GDI2: variants seen among roughly 807,000 people sequenced by gnomAD.
The protein encoded by GDI2 is GDP dissociation inhibitor 2, also known as rab GDP dissociation inhibitor beta.
A neutral mutation model predicts 54.2 loss-of-function variants in GDI2; 22 were observed. The ratio of observed to expected loss-of-function variants is 0.41; its 90% CI spans 0.29 to 0.58. The LOEUF (loss-of-function observed/expected upper bound fraction) is 0.58, where lower values mean the gene tolerates loss of function less well. Ranked by LOEUF, GDI2 falls within the 20% of genes least tolerant of loss-of-function variation. The pLI, the probability that GDI2 is intolerant of heterozygous loss-of-function variation, is 0.35. For synonymous variants in GDI2, 177 were observed against 182.1 expected, an observed-to-expected ratio of 0.97 and a Z score of 0.23; for missense variants, 422 against 546.0, an observed-to-expected ratio of 0.77 and a Z score of 2.26.
chr10:5,788,316 T>C (rs1840923241), intron 4 of GDI2, among the ~76,000 whole-genome samples: 1 of 152,080 alleles, frequency 6.6e-6, no homozygotes, highest in African/African-American at 2.4e-5. Flanking sequence ...GGTAGATAAT[T>C]TTTTACAACT....
chr10:5,790,040 C>G (rs1402067880), intron 4 of GDI2, among the ~76,000 whole-genome samples: 1 of 152,202 alleles, frequency 6.6e-6, no homozygotes, highest in Non-Finnish European at 1.5e-5. Context: ...TTTAGTGCAA[C>G]ACCATAAACA....
At chr10:5,806,036 C>G (rs561481798) in intron 1 of GDI2, among the ~76,000 whole-genome samples, 1 of 152,196 alleles carries the variant, frequency 6.6e-6, no homozygotes, top group Non-Finnish European at 1.5e-5. Flanking sequence ...CATGTGTCTT[C>G]TAAGTGTGCA....
chr10:5,785,180 T>G lies in GDI2; in HGVS notation c.681A>C (p.Pro227=), dbSNP rs779302984. 8.7e-6 allele frequency: 14 copies of G among 1,611,646 alleles called. No individual in the cohort carries two copies. Among genetic ancestry groups the G allele is most frequent in the Non-Finnish European group, 1.1e-5 (13 of 1,178,762 alleles). Reference sequence around the variant, plus strand: ...GGGGCAGTTCTCCAAGGCCATAGAGTGGATAAAGGTATGGGCTTTTGCCAT... The same window carrying G: ...GGGGCAGTTCTCCAAGGCCATAGAGGGGATAAAGGTATGGGCTTTTGCCAT... ...ARYGKSPYLY[P]LYGLGELPQG... is the part of the protein sequence containing the mutation. Residue 227 remains proline, a synonymous_variant, in exon 6 of 11, where the codon CCA becomes CCC. Transcript: ENST00000380191.
chr10:5,798,466 G>C (rs535092614), intron 2 of GDI2, among the ~76,000 whole-genome samples: 21 of 152,064 alleles, frequency 1.4e-4, no homozygotes, highest in African/African-American at 5.1e-4. Context: ...ATGTACGCCT[G>C]TAATTCCAGC....
Position 5,765,778 on chromosome 10 carries a change from A to AC in GDI2, c.*227_*228insG, listed in dbSNP as rs1840309435. 1 of 460,680 alleles carries AC rather than the reference A, an allele frequency of 2.2e-6. No homozygotes were observed. Among genetic ancestry groups the AC allele is most frequent in the South Asian group, 3.7e-5 (1 of 26,828 alleles). 28.5% of individuals were successfully genotyped at this position (460,680 alleles called of 1,614,324 possible). On this transcript the variant is annotated 3_prime_UTR_variant, in exon 11 of 11. Transcript: ENST00000380191. ...TGTTTAACTTCACTAGAAAAAAAAA[A>AC]AGCCAGTTTGGTTAAATTGAACAGA...
At chr10:5,800,077 A>G (rs2131714067) in intron 2 of GDI2, among the ~76,000 whole-genome samples, 1 of 152,352 alleles carries the variant, frequency 6.6e-6, no homozygotes, top group South Asian at 2.1e-4. Flanking sequence ...TCATATCCAT[A>G]TACGTAGGTG....
intron 4 of GDI2, among the ~76,000 whole-genome samples, chr10:5,786,630 T>G (rs1275163266): frequency 6.6e-6 from 1 of 152,134 alleles, no homozygotes; most frequent in Non-Finnish European, 1.5e-5. Context: ...AATGTCAAAT[T>G]ATGTTTCTTA....
intron 8 of GDI2, among the ~76,000 whole-genome samples, chr10:5,767,473 C>G (rs140572074): frequency 6.6e-6 from 1 of 152,082 alleles, no homozygotes; most frequent in Non-Finnish European, 1.5e-5. Context: ...GCCACCACAC[C>G]TAGCCATTTT....
chr10:5,779,167 G>GT (rs1840694371), intron 6 of GDI2, among the ~76,000 whole-genome samples: 1 of 152,184 alleles, frequency 6.6e-6, no homozygotes. Context: ...GGATAAATAT[G>GT]TTGTTATAAA....
chr10:5,784,902 C>T (rs1384810361), intron 6 of GDI2, among the ~76,000 whole-genome samples: 1 of 152,226 alleles, frequency 6.6e-6, no homozygotes, highest in African/African-American at 2.4e-5. Context: ...TTTGTATTGG[C>T]TGGCCTCCAG....
intron 4 of GDI2, among the ~76,000 whole-genome samples, chr10:5,788,190 GT>G (rs201960811): frequency 1.5e-3 from 214 of 147,130 alleles, no homozygotes; most frequent in Middle Eastern, 3.5e-3. Flanking sequence ...TTCCTACTGT[GT>G]TTTTTTTTTT....
chr10:5,767,311 G>C (rs1182220884), intron 8 of GDI2, among the ~76,000 whole-genome samples: 1 of 140,746 alleles, frequency 7.1e-6, no homozygotes, highest in Non-Finnish European at 1.6e-5. Context: ...ATCATCTTTT[G>C]TGATTGGTTT....
intron 4 of GDI2, among the ~76,000 whole-genome samples, chr10:5,787,948 C>T (rs912818155): frequency 5.3e-5 from 8 of 152,118 alleles, no homozygotes; most frequent in African/African-American, 1.9e-4. Flanking sequence ...TGATCCTTAC[C>T]CAGAGAGGGA....
intron 7 of GDI2, among the ~76,000 whole-genome samples, chr10:5,770,635 T>G (rs1840466009): frequency 6.6e-6 from 1 of 151,720 alleles, no homozygotes; most frequent in East Asian, 2.0e-4. Context: ...GTGAATATAT[T>G]TAATACCACT....
chr10:5,788,186 CTG>C (rs1840919515), intron 4 of GDI2, among the ~76,000 whole-genome samples: 1 of 146,504 alleles, frequency 6.8e-6, no homozygotes, highest in African/African-American at 2.4e-5. Flanking sequence ...GTGTTTCCTA[CTG>C]TGTTTTTTTT....
At chr10:5,772,188 TG>T (rs1192677818) in intron 7 of GDI2, among the ~76,000 whole-genome samples, 1 of 152,180 alleles carries the variant, frequency 6.6e-6, no homozygotes, top group Non-Finnish European at 1.5e-5. Context: ...GATGTGGAGA[TG>T]GAAGACAGTG....
intron 4 of GDI2, among the ~76,000 whole-genome samples, chr10:5,787,706 G>T (rs1467853001): frequency 6.6e-6 from 1 of 152,160 alleles, no homozygotes; most frequent in Non-Finnish European, 1.5e-5. Context: ...GTATAAGACA[G>T]GCAAAAGGAA....
intron 6 of GDI2, among the ~76,000 whole-genome samples, chr10:5,775,543 T>C (rs966625746): frequency 2.6e-5 from 4 of 152,068 alleles, no homozygotes; most frequent in Admixed American, 1.3e-4. Flanking sequence ...ATGAAAATTG[T>C]AGGGGAAAGT....
intron 4 of GDI2, 98 bp from the exon 5 acceptor site, chr10:5,786,148 G>T: frequency 1.4e-6 from 1 of 708,030 alleles, no homozygotes; most frequent in Non-Finnish European, 2.4e-6. Context: ...GTTATCAACT[G>T]CGGAATGCAG....
Sources: gnomAD v4.1 joint callset for allele counts (sites outside exome capture counted in the v4.1 genomes callset) on GRCh38, gnomAD v4.1.1 for gene constraint, MANE v1.5 for transcripts, NCBI Gene and HGNC (gene_info 2026-07-23, HGNC 2026-07-21) for gene names.